IL18RAP: variants seen among roughly 807,000 people sequenced by gnomAD.
The protein encoded by IL18RAP is interleukin-18 receptor accessory protein.
In IL18RAP, 37 loss-of-function variants were observed where a neutral mutation model predicts 58.1. The ratio of observed to expected loss-of-function variants is 0.64; its 90% CI spans 0.49 to 0.84. The LOEUF is 0.84. IL18RAP is among the 40% of genes least tolerant of loss of function. The pLI is 0.00. For synonymous variants in IL18RAP, 268 were observed against 257.5 expected, an observed-to-expected ratio of 1.04 and a Z score of -0.39; for missense variants, 667 against 704.8, an observed-to-expected ratio of 0.95 and a Z score of 0.61.
At chr2:102,443,123 G>C in intron 5 of IL18RAP, 77 bp from the exon 6 acceptor site, 1 of 1,439,210 alleles carries the variant, frequency 6.9e-7, no homozygotes. Context: ...AGCTTCTGGC[G>C]ACGTCTTCCT....
intron 5 of IL18RAP, among the ~76,000 whole-genome samples, chr2:102,442,681 AG>A (rs1290626188): frequency 1.3e-5 from 2 of 152,228 alleles, no homozygotes; most frequent in East Asian, 3.8e-4. Flanking sequence ...GAAAAAAGTT[AG>A]TCTCATAATA....
intron 4 of IL18RAP, among the ~76,000 whole-genome samples, chr2:102,441,041 G>T (rs143132111): frequency 2.8e-3 from 421 of 152,254 alleles, no homozygotes; most frequent in African/African-American, 9.5e-3. Flanking sequence ...TCTGCAAGGG[G>T]CAGGATTAGT....
chr2:102,448,917 C>T (rs1683594635), intron 8 of IL18RAP, among the ~76,000 whole-genome samples: 1 of 134,402 alleles, frequency 7.4e-6, no homozygotes, highest in Non-Finnish European at 1.5e-5. Context: ...GCCATGATTA[C>T]ATCACTGCAC....
At chr2:102,443,109 A>G in intron 5 of IL18RAP, 91 bp from the exon 6 acceptor site, 2 of 1,275,700 alleles carry the variant, frequency 1.6e-6, no homozygotes, top group Non-Finnish European at 2.2e-6. Flanking sequence ...TTGCATCAGG[A>G]GACAGCTTCT....
chr2:102,450,123 C>G (rs1218110676), intron 8 of IL18RAP, among the ~76,000 whole-genome samples: 1 of 12,104 alleles, frequency 8.3e-5, no homozygotes, highest in East Asian at 2.2e-3. Flanking sequence ...ATTCCGAAGC[C>G]TGTGAGTTAA....
rs1683825967 is a variant in IL18RAP, at chr2:102,452,332, A to T, written c.*151A>T. 1 of 689,654 alleles carries T rather than the reference A, an allele frequency of 1.5e-6. No homozygotes were observed. Among genetic ancestry groups the T allele is most frequent in the Non-Finnish European group, 2.4e-6 (1 of 423,940 alleles). 42.7% of individuals were successfully genotyped at this position (689,654 alleles called of 1,614,324 possible). A position where few individuals can be genotyped will look rare whatever the true frequency, so the allele number is the denominator to read the frequency against. On this transcript the variant is annotated 3_prime_UTR_variant, in exon 10 of 10. Coordinates refer to ENST00000687160, the MANE Select transcript of IL18RAP (RefSeq NM_001393487.1). ...CAAGCTTGATGGACAATGGAGTGGG[A>T]TTGAGACTGTGGTTTAGAGCCTTTG...
intron 3 of IL18RAP, among the ~76,000 whole-genome samples, chr2:102,428,698 G>T (rs1261147952): frequency 2.0e-5 from 3 of 151,898 alleles, no homozygotes; most frequent in African/African-American, 7.2e-5. Flanking sequence ...CTTTTTATTT[G>T]TTTCTCTTGC....
chr2:102,448,957 T>G (rs1683597682), intron 8 of IL18RAP, among the ~76,000 whole-genome samples: 1 of 79,950 alleles, frequency 1.3e-5, no homozygotes, highest in South Asian at 4.2e-4. Context: ...CGATACCCTA[T>G]CTCAAAAAAA....
chr2:102,437,174 G>A lies in IL18RAP; in HGVS notation c.580-38G>A, dbSNP rs1282642103. ...GGTATGTATTTCATAAAGTTTTTCT[G>A]TGGCAAATTTATCTGCTTAAAATAT... is the stretch of plus-strand genomic sequence containing the variant. On this transcript the variant is annotated intron_variant, in intron 3 of 9. Transcript: ENST00000687160. 7.6e-6 allele frequency: 12 copies of A among 1,572,132 alleles called. No homozygotes were observed. The Middle Eastern group carries it at 8.5e-4, about 111-fold the overall frequency.
At chr2:102,447,237 A>T in intron 8 of IL18RAP, 30 bp downstream of exon 8, 1 of 1,602,836 alleles carries the variant, frequency 6.2e-7, no homozygotes, top group South Asian at 1.1e-5. Context: ...CAGCCCTCTG[A>T]CTTTTCCTCT....
upstream of IL18RAP, among the ~76,000 whole-genome samples, chr2:102,422,278 A>C (rs1038568851): frequency 6.6e-6 from 1 of 152,172 alleles, no homozygotes; most frequent in African/African-American, 2.4e-5. Context: ...CTCTGTCTGG[A>C]TTGCCAAGGT....
At chr2:102,421,875 G>C (rs1188264914), upstream of IL18RAP, among the ~76,000 whole-genome samples, 1 of 152,104 alleles carries the variant, frequency 6.6e-6, no homozygotes, top group African/African-American at 2.4e-5. Flanking sequence ...TCTCCCCATG[G>C]TATCAGGGAC....
chr2:102,447,556 A>G (rs1267957542), intron 8 of IL18RAP, among the ~76,000 whole-genome samples: 1 of 152,140 alleles, frequency 6.6e-6, no homozygotes, highest in East Asian at 1.9e-4. Context: ...TAATCCCTCT[A>G]TAACCAACCT....
intron 3 of IL18RAP, among the ~76,000 whole-genome samples, chr2:102,431,590 A>G (rs1682364009): frequency 6.6e-6 from 1 of 151,364 alleles, no homozygotes; most frequent in South Asian, 2.1e-4. Context: ...AAGCCTTTTC[A>G]TTCTTTTTTC....
chr2:102,431,782 T>C (rs114954943), intron 3 of IL18RAP, among the ~76,000 whole-genome samples: 280 of 104,104 alleles, frequency 2.7e-3, no homozygotes, highest in African/African-American at 0.014. Context: ...AAACTTTTTT[T>C]TCTATTTCTC....
At chr2:102,438,374 A>G (rs1344586217) in intron 4 of IL18RAP, among the ~76,000 whole-genome samples, 1 of 152,206 alleles carries the variant, frequency 6.6e-6, no homozygotes, top group Non-Finnish European at 1.5e-5. Context: ...CACACAGAGC[A>G]CCCCAAGACC....
rs913976571 is a variant in IL18RAP at position 102,445,278 on chromosome 2, G to T, written c.1010G>T (p.Cys337Phe). 29 of 1,614,074 alleles carry T rather than the reference G, an allele frequency of 1.8e-5. No individual in the cohort carries two copies. The highest frequency in any genetic ancestry group is 2.5e-5 in the Non-Finnish European group (29 of 1,180,030). ...TQRDLRRKFV[C>F]FVQNSIGNTT... is the part of the protein sequence containing the mutation. ...CGTGATCTTCGCAGGAAGTTTGTTT[G>T]CTTTGTCCAGAACTCCATTGGAAAC... Residue 337 changes from cysteine to phenylalanine, a missense_variant, in exon 7 of 10, where the codon TGC becomes TTC. Coordinates refer to ENST00000687160, the MANE Select transcript of IL18RAP (RefSeq NM_001393487.1).
chr2:102,433,776 C>A (rs1244621139), intron 3 of IL18RAP, among the ~76,000 whole-genome samples: 2 of 145,210 alleles, frequency 1.4e-5, no homozygotes, highest in African/African-American at 5.1e-5. Context: ...CAACTCCTGA[C>A]CTCAGGTGAT....
chr2:102,430,447 C>G (rs1682265671), intron 3 of IL18RAP, among the ~76,000 whole-genome samples: 1 of 151,776 alleles, frequency 6.6e-6, no homozygotes, highest in Non-Finnish European at 1.5e-5. Context: ...CTATATGTGT[C>G]CTTATTAGTA....
Sources: gnomAD v4.1 joint callset for allele counts (sites outside exome capture counted in the v4.1 genomes callset) on GRCh38, gnomAD v4.1.1 for gene constraint, MANE v1.5 for transcripts, NCBI Gene and HGNC (gene_info 2026-07-23, HGNC 2026-07-21) for gene names.